Variants in CUBN observed in about 807,000 individuals in gnomAD.
The protein encoded by CUBN is cubilin.
CUBN carries 282 observed loss-of-function variants against 405.3 expected under a neutral mutation model. That is an observed-to-expected ratio of 0.70 (90% confidence interval 0.63 to 0.77). The LOEUF (loss-of-function observed/expected upper bound fraction) is 0.77. Among genes scored for constraint, CUBN ranks in the 30% least tolerant of loss-of-function variants. CUBN has a pLI of 0.00. For synonymous variants in CUBN, 1,684 were observed against 1,617.0 expected (o/e 1.04, Z -0.99); for missense variants, 4,514 against 4,475.2 (o/e 1.01, Z -0.25).
intron 66 of CUBN, among the ~76,000 whole-genome samples, chr10:16,826,365 AT>A (rs1838782290): frequency 6.6e-6 from 1 of 152,184 alleles, no homozygotes; most frequent in African/African-American, 2.4e-5. Flanking sequence ...CAACTTTCAT[AT>A]GTATGTAATT....
intron 31 of CUBN, among the ~76,000 whole-genome samples, chr10:16,971,481 C>T (rs1328399927): frequency 6.6e-6 from 1 of 152,216 alleles, no homozygotes; most frequent in East Asian, 1.9e-4. Flanking sequence ...CAGATCTCTA[C>T]CCCAACTTAC....
At chr10:17,009,561 A>C (rs1211651035) in intron 28 of CUBN, among the ~76,000 whole-genome samples, 2 of 152,238 alleles carry the variant, frequency 1.3e-5, no homozygotes, top group Admixed American at 6.5e-5. Flanking sequence ...GAGAGGAAGC[A>C]GCCACTTAGG....
At chr10:16,942,858 G>A (rs10904844) in intron 36 of CUBN, among the ~76,000 whole-genome samples, 60 of 114,230 alleles carry the variant, frequency 5.3e-4, no homozygotes, top group African/African-American at 2.8e-3. Flanking sequence ...GGAAGGGGAA[G>A]GGAAAGGAAG....
At chr10:16,947,450 C>A in intron 35 of CUBN, 83 bp from the exon 36 acceptor site, 3 of 1,369,728 alleles carry the variant, frequency 2.2e-6, no homozygotes, top group Non-Finnish European at 3.1e-6. Context: ...AACGCTAGAG[C>A]CATTATCAAT....
chr10:16,997,979 G>A (rs1423623044), intron 28 of CUBN, among the ~76,000 whole-genome samples: 2 of 152,224 alleles, frequency 1.3e-5, no homozygotes, highest in Middle Eastern at 3.4e-3. Flanking sequence ...CTGTGAGGAA[G>A]GGGACACAAA....
intron 45 of CUBN, among the ~76,000 whole-genome samples, chr10:16,918,200 T>C (rs2131463499): frequency 6.6e-6 from 1 of 152,346 alleles, no homozygotes; most frequent in Middle Eastern, 3.4e-3. Flanking sequence ...TGTAGCCCTG[T>C]AGTATAGTTT....
At chr10:16,826,747 A>C (rs990904152) in intron 66 of CUBN, among the ~76,000 whole-genome samples, 12 of 152,202 alleles carry the variant, frequency 7.9e-5, no homozygotes, top group African/African-American at 2.9e-4. Flanking sequence ...GACTCGGTTT[A>C]TACTTGTTCA....
At chr10:16,884,445 A>T (rs904124394) in intron 56 of CUBN, among the ~76,000 whole-genome samples, 7 of 152,092 alleles carry the variant, frequency 4.6e-5, no homozygotes, top group African/African-American at 1.7e-4. Flanking sequence ...AATAATGAGA[A>T]CACAAAATTT....
chr10:16,949,937 T>C (rs1334768573), intron 34 of CUBN, 64 bp downstream of exon 34: 1 of 1,191,852 alleles, frequency 8.4e-7, no homozygotes, highest in Non-Finnish European at 1.2e-6. Flanking sequence ...AGCCTATAAA[T>C]ATGCGGATCT....
In CUBN at chr10:17,120,538, G is replaced by A. The variant is rs562568351; in HGVS notation, c.593+2257C>T. On this transcript the variant is annotated intron_variant, in intron 6 of 66. Coordinates refer to ENST00000377833, the MANE Select transcript of CUBN (RefSeq NM_001081.4). ...TGTATTCTTGCTCTCCTTTATAAAA[G>A]AGTGCAAGAGAGAATTTCGTACTGT... Among the ~76,000 whole-genome samples, 15 of 152,264 alleles carry A rather than the reference G, an allele frequency of 9.9e-5. 1 individual carries two copies. Among genetic ancestry groups the A allele is most frequent in the Middle Eastern group, 3.4e-3 (1 of 294 alleles).
At chr10:17,000,277 G>A (rs1313143279) in intron 28 of CUBN, among the ~76,000 whole-genome samples, 1 of 150,860 alleles carries the variant, frequency 6.6e-6, no homozygotes. Context: ...GATGATCTCC[G>A]TGGTTTCTCC....
At chr10:17,037,089 T>C (rs1834919722) in intron 27 of CUBN, among the ~76,000 whole-genome samples, 1 of 152,252 alleles carries the variant, frequency 6.6e-6, no homozygotes, top group Non-Finnish European at 1.5e-5. Flanking sequence ...TGGCAAATAA[T>C]ACATGCTGAA....
chr10:16,938,679 A>G (rs1842580727), intron 38 of CUBN, among the ~76,000 whole-genome samples: 1 of 152,178 alleles, frequency 6.6e-6, no homozygotes, highest in Non-Finnish European at 1.5e-5. Flanking sequence ...AGGAAATAAG[A>G]CAGAATAAAT....
Position 16,876,791 on chromosome 10 carries a change from T to C in CUBN, c.9106+106A>G, listed in dbSNP as rs1181283780. The C allele has an allele frequency of 3.0e-6, 3 of 985,196 alleles. No homozygotes were observed. In the African/African-American group the frequency reaches 4.8e-5, roughly 16 times the overall value. 61.0% of individuals were successfully genotyped at this position (985,196 alleles called of 1,614,324 possible). A position where few individuals can be genotyped will look rare whatever the true frequency, so the allele number is the denominator to read the frequency against. On this transcript the variant is annotated intron_variant, in intron 57 of 66. Coordinates refer to ENST00000377833, the MANE Select transcript of CUBN (RefSeq NM_001081.4). ...TCACTGACAATCTTTTTCCCTTAAA[T>C]TCTCTGAATCTTCAAGTTAGTGCTG...
At chr10:16,846,713 G>A (rs373025273) in intron 60 of CUBN, among the ~76,000 whole-genome samples, 7 of 151,646 alleles carry the variant, frequency 4.6e-5, no homozygotes, top group Admixed American at 1.3e-4. Context: ...TTGGGAGGCC[G>A]AGGCAGGAGA....
At chr10:17,079,479 T>C (rs1056620934) in intron 17 of CUBN, among the ~76,000 whole-genome samples, 3 of 151,928 alleles carry the variant, frequency 2.0e-5, no homozygotes, top group African/African-American at 7.3e-5. Context: ...CCTCAGGTGA[T>C]CCACCCACCT....
chr10:17,012,742 G>A (rs553463389), intron 28 of CUBN, among the ~76,000 whole-genome samples: 3 of 152,268 alleles, frequency 2.0e-5, no homozygotes, highest in Admixed American at 2.0e-4. Flanking sequence ...AGTACTTTAA[G>A]ATTTGGCTGA....
chr10:17,051,482 C>A (rs1038502689), intron 22 of CUBN, among the ~76,000 whole-genome samples: 1 of 151,876 alleles, frequency 6.6e-6, no homozygotes, highest in South Asian at 2.1e-4. Context: ...CAAAGATGAT[C>A]CAGGTGTTAG....
chr10:16,917,091 C>T (rs1334130936), intron 45 of CUBN, among the ~76,000 whole-genome samples: 1 of 152,014 alleles, frequency 6.6e-6, no homozygotes, highest in Non-Finnish European at 1.5e-5. Context: ...GGATTACAAG[C>T]ATGAGCCACC....
Sources: gnomAD v4.1 joint callset for allele counts (sites outside exome capture counted in the v4.1 genomes callset) on GRCh38, gnomAD v4.1.1 for gene constraint, MANE v1.5 for transcripts, NCBI Gene and HGNC (gene_info 2026-07-23, HGNC 2026-07-21) for gene names.